DRC9: variants seen among roughly 807,000 people sequenced by gnomAD.
The protein encoded by DRC9 is dynein regulatory complex protein 9.
the DRC9 span, among the ~76,000 whole-genome samples, chr3:197,917,789 G>T: frequency 1.3e-5 from 2 of 151,354 alleles, no homozygotes; most frequent in South Asian, 4.2e-4. Context: ...GGAGTGCAGT[G>T]GTGCGATCTT....
the DRC9 span, among the ~76,000 whole-genome samples, chr3:197,905,673 G>A: frequency 2.0e-5 from 3 of 152,026 alleles, no homozygotes; most frequent in African/African-American, 4.8e-5. Context: ...ACTTGAACTC[G>A]GGAGGCGGAG....
chr3:197,938,880 TCTACTCTATACTCCAAG>T, the DRC9 span: 1 of 855,694 alleles, frequency 1.2e-6, no homozygotes, highest in Non-Finnish European at 1.9e-6. Context: ...TTCTCTGACT[TCTACTCTATACTCCAAG>T]AAAATGTGCC....
At chr3:197,935,453 G>A in the DRC9 span, among the ~76,000 whole-genome samples, 20,110 of 99,830 alleles carry the variant, frequency 0.2, 2,340 homozygotes, top group African/African-American at 0.54. Context: ...AAAAAAAAAA[G>A]AAAAGAAAAG....
At chr3:197,960,097 C>T in the DRC9 span, 1 of 782,674 alleles carries the variant, frequency 1.3e-6, no homozygotes, top group Non-Finnish European at 2.0e-6. Flanking sequence ...CCCTCATCTT[C>T]TGCGGCGAAC....
chr3:197,944,453 A>ATT, the DRC9 span, among the ~76,000 whole-genome samples: 2 of 142,768 alleles, frequency 1.4e-5, no homozygotes, highest in African/African-American at 2.7e-5. Context: ...ATTTTATTTT[A>ATT]TTTTATTTTT....
the DRC9 span, among the ~76,000 whole-genome samples, chr3:197,931,231 C>T: frequency 2.6e-5 from 4 of 152,024 alleles, no homozygotes. Context: ...CCTGTAATCC[C>T]AGCACTTTGG....
At chr3:197,918,258 C>CTTTTTT in the DRC9 span, among the ~76,000 whole-genome samples, 19 of 60,294 alleles carry the variant, frequency 3.2e-4, no homozygotes, top group East Asian at 4.9e-4. Context: ...TAATTTTTTG[C>CTTTTTT]TTTTTTTTTT....
the DRC9 span, chr3:197,951,394 C>A: frequency 6.8e-7 from 1 of 1,463,866 alleles, no homozygotes; most frequent in Non-Finnish European, 9.5e-7. Context: ...TGCTCTGTTG[C>A]CGAGGCTGGA....
chr3:197,913,706 C>T, the DRC9 span: 12 of 721,890 alleles, frequency 1.7e-5, 1 homozygote, highest in African/African-American at 1.7e-5. Context: ...GGAATCTCTG[C>T]TTGCGAACAC....
the DRC9 span, among the ~76,000 whole-genome samples, chr3:197,893,680 A>G: frequency 7.0e-6 from 1 of 143,016 alleles, no homozygotes; most frequent in South Asian, 2.2e-4. Context: ...TGCCTCTACT[A>G]AAACTACAAA....
the DRC9 span, among the ~76,000 whole-genome samples, chr3:197,927,011 C>T: frequency 6.6e-6 from 1 of 152,186 alleles, no homozygotes; most frequent in Admixed American, 6.5e-5. Context: ...GACTGTCGGA[C>T]ACCGGAGCCT....
the DRC9 span, among the ~76,000 whole-genome samples, chr3:197,907,037 T>C: frequency 2.0e-5 from 3 of 152,196 alleles, no homozygotes; most frequent in Non-Finnish European, 4.4e-5. Context: ...GTGCCCACCT[T>C]ATCTCTGACA....
chr3:197,892,079 A>G, the DRC9 span, among the ~76,000 whole-genome samples: 2 of 152,166 alleles, frequency 1.3e-5, no homozygotes, highest in African/African-American at 2.4e-5. Context: ...TAGTAGAGAT[A>G]GGGTTTTGCC....
chr3:197,892,667 C>T, the DRC9 span: 5 of 1,613,714 alleles, frequency 3.1e-6, no homozygotes, highest in Non-Finnish European at 4.2e-6. Flanking sequence ...AGTCACTGGC[C>T]TTTGTGGCTT....
At chr3:197,917,340 G>T in the DRC9 span, among the ~76,000 whole-genome samples, 1 of 152,096 alleles carries the variant, frequency 6.6e-6, no homozygotes, top group Non-Finnish European at 1.5e-5. Flanking sequence ...AGATGAATCA[G>T]AACGGAATTC....
chr3:197,903,237 GAA>G, the DRC9 span, among the ~76,000 whole-genome samples: 1 of 152,194 alleles, frequency 6.6e-6, no homozygotes, highest in Non-Finnish European at 1.5e-5. Context: ...ACTACTAAAA[GAA>G]AACACTGGGG....
chr3:197,936,603 T>A, the DRC9 span, among the ~76,000 whole-genome samples: 2 of 152,164 alleles, frequency 1.3e-5, no homozygotes, highest in African/African-American at 4.8e-5. Flanking sequence ...GCTCAAGCAA[T>A]CCTCCCACCT....
At chr3:197,937,016 G>A in the DRC9 span, among the ~76,000 whole-genome samples, 7 of 152,176 alleles carry the variant, frequency 4.6e-5, no homozygotes, top group African/African-American at 9.7e-5. Context: ...TTTGCAGGGC[G>A]TAAGTTCTCT....
At chr3:197,929,147 G>T in the DRC9 span, among the ~76,000 whole-genome samples, 1 of 152,180 alleles carries the variant, frequency 6.6e-6, no homozygotes. This position sits in a 1 kb window ranked among gnomAD's most constrained non-coding sequence, Gnocchi z 4.6. Context: ...GCTAAAAACA[G>T]GGGGACCAAA....
Sources: gnomAD v4.1 joint callset for allele counts (sites outside exome capture counted in the v4.1 genomes callset) on GRCh38, gnomAD v4.1.1 for gene constraint, Gnocchi (gnomAD v3.1) non-coding constraint, MANE v1.5 for transcripts, NCBI Gene and HGNC (gene_info 2026-07-23, HGNC 2026-07-21) for gene names.